The following SUMF1 variants were observed in gnomAD, a reference collection of about 807,000 sequenced individuals.
The protein encoded by SUMF1 is sulfatase modifying factor 1.
A neutral mutation model predicts 47.6 loss-of-function variants in SUMF1; 48 were observed. That is an observed-to-expected ratio of 1.01 (90% CI 0.80 to 1.28). The LOEUF (loss-of-function observed/expected upper bound fraction) is 1.28. Among genes scored for constraint, SUMF1 ranks in the 50% most tolerant of loss-of-function variants. The pLI, the probability that SUMF1 is intolerant of heterozygous loss-of-function variation, is 0.00. For synonymous variants in SUMF1, 230 were observed against 192.1 expected (o/e 1.20, Z -1.63); for missense variants, 571 against 485.4 (o/e 1.18, Z -1.66).
At chr3:4,177,276 C>G (rs1235866130) in intron 8 of SUMF1, among the ~76,000 whole-genome samples, 1 of 152,038 alleles carries the variant, frequency 6.6e-6, no homozygotes, top group African/African-American at 2.4e-5. Context: ...TAAAATTGAC[C>G]ACATAATTGG....
At chr3:4,423,502 C>T (rs1701973636) in intron 3 of SUMF1, among the ~76,000 whole-genome samples, 1 of 152,148 alleles carries the variant, frequency 6.6e-6, no homozygotes, top group Admixed American at 6.5e-5. Context: ...CCTCTCAATT[C>T]AATCTGGTTA....
chr3:4,229,108 A>C (rs1282255186), intron 8 of SUMF1, among the ~76,000 whole-genome samples: 2 of 152,134 alleles, frequency 1.3e-5, no homozygotes, highest in African/African-American at 4.8e-5. Flanking sequence ...TATAAACTCC[A>C]AGTGAAATAA....
At chr3:4,075,541 A>C (rs1692411892) in intron 8 of SUMF1, among the ~76,000 whole-genome samples, 1 of 152,124 alleles carries the variant, frequency 6.6e-6, no homozygotes, top group Admixed American at 6.5e-5. Flanking sequence ...GAAAAGAGGA[A>C]GTCAAATTGT....
rs529506709 is a variant in SUMF1 at position 4,306,535 on chromosome 3, C to G, written c.1014+69795G>C. Among the ~76,000 whole-genome samples, 11 of 152,202 alleles carry G rather than the reference C, an allele frequency of 7.2e-5. No individual in the cohort carries two copies. In the East Asian group the frequency reaches 1.5e-3, roughly 21 times the overall value. ...AACTATCTCTGTATATGCACAGCTC[C>G]CAATAAAGTTAGAGTTACAAAAATA... On this transcript the variant is annotated intron_variant and NMD_transcript_variant, in intron 8 of 12. Coordinates refer to the SUMF1 transcript ENST00000448413.
At chr3:4,369,553 G>A (rs1418249759) in intron 8 of SUMF1, among the ~76,000 whole-genome samples, 1 of 152,156 alleles carries the variant, frequency 6.6e-6, no homozygotes, top group African/African-American at 2.4e-5. Context: ...GGTTCAGGGG[G>A]AGCTACACAG....
intron 8 of SUMF1, chr3:4,317,717 TGTA>T (rs1310429400): frequency 1.3e-5 from 2 of 155,926 alleles, no homozygotes; most frequent in African/African-American, 4.8e-5. Flanking sequence ...CTAATTAAAA[TGTA>T]GTCACTCTCC....
At chr3:4,176,649 G>T (rs1694971617) in intron 8 of SUMF1, among the ~76,000 whole-genome samples, 1 of 152,168 alleles carries the variant, frequency 6.6e-6, no homozygotes, top group Admixed American at 6.5e-5. Flanking sequence ...AAAATAACCA[G>T]TCAACTTCAT....
rs142465275 is a variant in SUMF1, at chr3:4,313,179, G to A, written c.1014+63151C>T. 1.5e-4 allele frequency: 250 copies of A among 1,613,944 alleles called. 1 individual carries two copies. The highest frequency in any genetic ancestry group is 1.9e-4 in the Non-Finnish European group (227 of 1,179,938). On this transcript the variant is annotated intron_variant and NMD_transcript_variant, in intron 8 of 12. Coordinates refer to the SUMF1 transcript ENST00000448413. ...AGTTCCACTTCCAAGTGTTCAAGAC[G>A]CATAAAAAAGGCTGGGGACTTCGTA... is the stretch of plus-strand genomic sequence containing the variant.
intron 8 of SUMF1, among the ~76,000 whole-genome samples, chr3:4,226,248 T>C (rs313695): frequency 0.65 from 95,261 of 145,670 alleles, 32,430 homozygotes; most frequent in African/African-American, 0.84. Context: ...TCATGATTAT[T>C]GTTTTTTTTT....
At chr3:4,281,047 C>CG (rs1185860415) in intron 8 of SUMF1, among the ~76,000 whole-genome samples, 9 of 151,720 alleles carry the variant, frequency 5.9e-5, no homozygotes, top group Non-Finnish European at 1.3e-4. Flanking sequence ...CAGTGGGGGT[C>CG]GGGGGGCCAC....
chr3:4,379,597 G>C (rs927964560), intron 7 of SUMF1, among the ~76,000 whole-genome samples: 3 of 152,138 alleles, frequency 2.0e-5, no homozygotes, highest in African/African-American at 7.2e-5. Flanking sequence ...GAGGCCAAGA[G>C]ATGGTCAAGA....
intron 8 of SUMF1, among the ~76,000 whole-genome samples, chr3:4,375,911 T>C (rs941680652): frequency 6.6e-6 from 1 of 152,190 alleles, no homozygotes; most frequent in Admixed American, 6.5e-5. Context: ...GATGCTTCCA[T>C]TTCAGTATAT....
chr3:4,086,457 T>G (rs562060831), intron 8 of SUMF1, among the ~76,000 whole-genome samples: 91 of 152,188 alleles, frequency 6.0e-4, no homozygotes, highest in Admixed American at 2.2e-3. Context: ...ACTAGGGAAT[T>G]AGAAGACCTG....
intron 8 of SUMF1, among the ~76,000 whole-genome samples, chr3:4,248,358 G>A (rs923490372): frequency 3.3e-5 from 5 of 152,190 alleles, no homozygotes; most frequent in African/African-American, 1.2e-4. Context: ...AATTCCAGAA[G>A]CTTTGCTGTA....
At chr3:4,310,985 G>A (rs186657636) in intron 8 of SUMF1, among the ~76,000 whole-genome samples, 12 of 152,318 alleles carry the variant, frequency 7.9e-5, no homozygotes, top group East Asian at 3.9e-4. Context: ...AACAGCAGTC[G>A]TTGAGTTTGA....
intron 8 of SUMF1, among the ~76,000 whole-genome samples, chr3:4,354,920 G>C (rs1156414282): frequency 2.0e-5 from 3 of 152,186 alleles, no homozygotes; most frequent in Non-Finnish European, 4.4e-5. Flanking sequence ...CCACAAGGTA[G>C]GTATTATTAT....
rs551825623 is a variant in SUMF1, at chr3:4,085,268, C to T, written c.1015-16523G>A. The stretch of plus-strand genomic sequence containing the variant: ...ATTACTTAATAAACTGCTTTGGGTG[C>T]TCTGTGAGTCCCCAGAAAGGCAAGT... On this transcript the variant is annotated intron_variant and NMD_transcript_variant, in intron 8 of 12. Coordinates refer to the SUMF1 transcript ENST00000448413. 1.1e-3 allele frequency among the ~76,000 whole-genome samples: 165 copies of T among 152,182 alleles called. 1 individual carries two copies. The highest frequency in any genetic ancestry group is 2.0e-3 in the Non-Finnish European group (134 of 68,014).
intron 8 of SUMF1, among the ~76,000 whole-genome samples, chr3:4,233,880 A>G (rs1696353457): frequency 6.6e-6 from 1 of 152,138 alleles, no homozygotes. Context: ...CGATGCACCA[A>G]TAAATATTCA....
intron 8 of SUMF1, among the ~76,000 whole-genome samples, chr3:4,335,629 C>T (rs186416777): frequency 6.6e-5 from 10 of 152,186 alleles, no homozygotes; most frequent in African/African-American, 1.9e-4. Context: ...AGCAAATCAT[C>T]CCAATAGTCA....
Sources: gnomAD v4.1 joint callset for allele counts (sites outside exome capture counted in the v4.1 genomes callset) on GRCh38, gnomAD v4.1.1 for gene constraint, MANE v1.5 for transcripts, NCBI Gene and HGNC (gene_info 2026-07-23, HGNC 2026-07-21) for gene names.